GPR84: variants seen among roughly 807,000 people sequenced by gnomAD.
GPR84 encodes the protein G-protein coupled receptor 84.
Under a neutral mutation model 14.9 loss-of-function variants are expected in GPR84, and 8 were observed. The ratio of observed to expected loss-of-function variants is 0.54; its 90% CI spans 0.31 to 0.97. The LOEUF (loss-of-function observed/expected upper bound fraction) is 0.97. Ranked by LOEUF, GPR84 falls within the 50% of genes least tolerant of loss-of-function variation. The pLI is 0.04. For missense variants in GPR84, 424 were observed against 498.7 expected (o/e 0.85, Z 1.43); for synonymous variants, 164 against 198.1 (o/e 0.83, Z 1.45).
chr12:54,350,740 T>C, the GPR84 span: 3 of 590,542 alleles, frequency 5.1e-6, no homozygotes, highest in African/African-American at 5.6e-5. Flanking sequence ...GCTCCCAGCA[T>C]ATTTAGATAA....
At chr12:54,361,258 T>G (rs1404943507), downstream of GPR84, among the ~76,000 whole-genome samples, 1 of 152,184 alleles carries the variant, frequency 6.6e-6, no homozygotes, top group Non-Finnish European at 1.5e-5. This position sits in a 1 kb window ranked among gnomAD's most constrained non-coding sequence, Gnocchi z 4.3. Flanking sequence ...CTCGGTTCAC[T>G]GCAACCACTG....
downstream of GPR84, among the ~76,000 whole-genome samples, chr12:54,357,600 G>A (rs1954223869): frequency 6.6e-6 from 1 of 152,164 alleles, no homozygotes; most frequent in African/African-American, 2.4e-5. Flanking sequence ...CAGTGAGGGT[G>A]GGCAGGTTGG....
At chr12:54,357,678 G>A (rs1954224280), downstream of GPR84, among the ~76,000 whole-genome samples, 1 of 152,212 alleles carries the variant, frequency 6.6e-6, no homozygotes, top group African/African-American at 2.4e-5. Context: ...GATCCAGGCT[G>A]TGGTCTGTGG....
At chr12:54,352,106 C>T in the GPR84 span, among the ~76,000 whole-genome samples, 1 of 152,162 alleles carries the variant, frequency 6.6e-6, no homozygotes, top group African/African-American at 2.4e-5. Flanking sequence ...AGTTCTTCCC[C>T]CATCACCCCC....
the GPR84 span, among the ~76,000 whole-genome samples, chr12:54,355,321 TGTGTGA>T: frequency 9.0e-6 from 1 of 111,346 alleles, no homozygotes; most frequent in Non-Finnish European, 1.8e-5. Flanking sequence ...AAGTCCTGTG[TGTGTGA>T]GTGTGTGTGT....
chr12:54,362,965 G>A lies in GPR84; in HGVS notation c.887C>T (p.Ala296Val), dbSNP rs140055346. 59 of 1,614,110 alleles carry A rather than the reference G, an allele frequency of 3.7e-5. No individual in the cohort carries two copies. In the African/African-American group the frequency reaches 5.6e-4, roughly 15 times the overall value. The change falls in exon 2 of 2, where the codon GCC becomes GTC. Residue 296 changes from alanine to valine, a missense_variant. Ala to Val is a moderately conservative substitution (Grantham distance 64). Transcript: ENST00000267015. The surrounding 1 kb of genome is among the most constrained non-coding windows in gnomAD (Gnocchi z 4.0). ...MAEKSPPEAS[A>V]KAQPIKGARR... ...GGCTCCTTTAATTGGCTGGGCTTTG[G>A]CAGATGCTTCTGGAGGGCTTTTCTC...
At chr12:54,363,938 C>T (rs747317544) in intron 1 of GPR84, 79 bp from the exon 2 acceptor site, 25 of 904,724 alleles carry the variant, frequency 2.8e-5, no homozygotes, top group Non-Finnish European at 4.0e-5. Context: ...AGTTCTGGGA[C>T]CCTGGACATC....
At chr12:54,352,751 C>G in the GPR84 span, among the ~76,000 whole-genome samples, 1 of 152,122 alleles carries the variant, frequency 6.6e-6, no homozygotes, top group Middle Eastern at 3.2e-3. Context: ...GAAAACCTGA[C>G]AATTAAGCTC....
At chr12:54,364,192 T>A (rs907704501) in intron 1 of GPR84, 14 of 201,450 alleles carry the variant, frequency 6.9e-5, no homozygotes, top group African/African-American at 2.1e-4. Flanking sequence ...CCAACTTTTT[T>A]AATTCCTTCC....
chr12:54,364,114 C>G (rs1288475860), intron 1 of GPR84: 4 of 379,484 alleles, frequency 1.1e-5, no homozygotes, highest in Non-Finnish European at 1.9e-5. Context: ...ATATCTTAGT[C>G]TTATTCTGCT....
At chr12:54,354,736 T>A in the GPR84 span, among the ~76,000 whole-genome samples, 4 of 151,880 alleles carry the variant, frequency 2.6e-5, no homozygotes, top group South Asian at 8.3e-4. Context: ...TGAGCCACCA[T>A]GCCCGGCCTA....
chr12:54,355,051 G>A, the GPR84 span, among the ~76,000 whole-genome samples: 1 of 152,112 alleles, frequency 6.6e-6, no homozygotes, highest in Non-Finnish European at 1.5e-5. Flanking sequence ...AGCGTCCAAA[G>A]AATTTGGGGA....
chr12:54,352,029 C>G, the GPR84 span, among the ~76,000 whole-genome samples: 10 of 152,092 alleles, frequency 6.6e-5, no homozygotes, highest in Non-Finnish European at 1.5e-5. Flanking sequence ...TCCGTCCCCT[C>G]GCCTGGAAAT....
Position 54,363,613 on chromosome 12 carries a change from G to A in GPR84, c.239C>T (p.Thr80Ile). ...CTLLQPFSVDTYLHLHWRTGA... is the reference protein window; with the variant it reads ...CTLLQPFSVDIYLHLHWRTGA... ...GGTGCGCCAGTGCAGGTGGAGGTAGGTGTCCACAGAGAAGGGCTGAAGGAG... is the reference window on the plus strand; with the variant it reads ...GGTGCGCCAGTGCAGGTGGAGGTAGATGTCCACAGAGAAGGGCTGAAGGAG... Residue 80 changes from threonine to isoleucine, a missense_variant, in exon 2 of 2, where the codon ACC becomes ATC. Coordinates refer to ENST00000267015, the MANE Select transcript of GPR84 (RefSeq NM_020370.3). The A allele has an allele frequency of 6.2e-7, 1 of 1,614,036 alleles. No individual in the cohort carries two copies. The highest frequency in any genetic ancestry group is 8.5e-7 in the Non-Finnish European group (1 of 1,179,932).
At position 54,363,103 on chromosome 12, in the gene GPR84, G is replaced by T. The variant is rs776331793; in HGVS notation, c.749C>A (p.Pro250His). 1.9e-6 allele frequency: 3 copies of T among 1,614,166 alleles called. No homozygotes were observed. Among genetic ancestry groups the T allele is most frequent in the South Asian group, 2.2e-5 (2 of 91,082 alleles). ...ELDSRLASGGPSEGISSEPVS... is the reference protein window; with the variant it reads ...ELDSRLASGGHSEGISSEPVS... The stretch of plus-strand genomic sequence containing the variant: ...TGGCTCAGATGAAATCCCCTCACTG[G>T]GTCCTCCTGATGCTAACCTGCTGTC... The change falls in exon 2 of 2, where the codon CCC (proline) becomes CAC (histidine). Residue 250 changes from proline to histidine, a missense_variant. Pro to His is a moderately conservative substitution (Grantham distance 77, BLOSUM62 -2). Coordinates refer to ENST00000267015, the MANE Select transcript of GPR84 (RefSeq NM_020370.3).
Position 54,363,408 on chromosome 12 carries a change from G to A in GPR84, c.444C>T (p.Gly148=), listed in dbSNP as rs557278986. The change falls in exon 2 of 2, where the codon GGC becomes GGT. Residue 148 remains glycine (G), a synonymous_variant. Coordinates refer to ENST00000267015, the MANE Select transcript of GPR84 (RefSeq NM_020370.3). ...GCCAGAGGGGAGCAAAGCTGGCCAC[G>A]CCCACAACCCAGGTGCTCACCAGTG... ...VLALVSTWVV[G]VASFAPLWPI... 104 of 1,614,006 alleles carry A rather than the reference G, an allele frequency of 6.4e-5. No homozygotes were observed. In the East Asian group the frequency reaches 7.4e-4, roughly 11 times the overall value.
chr12:54,360,739 G>A (rs1029945559), downstream of GPR84, among the ~76,000 whole-genome samples: 4 of 152,128 alleles, frequency 2.6e-5, no homozygotes, highest in African/African-American at 4.8e-5. Context: ...CATGGACTTG[G>A]GGGAGGGAGG....
chr12:54,359,094 G>T (rs1292518039), downstream of GPR84, among the ~76,000 whole-genome samples: 1 of 151,860 alleles, frequency 6.6e-6, no homozygotes, highest in East Asian at 1.9e-4. Flanking sequence ...TGAGGGGAGG[G>T]AAAGAGGGGA....
At chr12:54,361,699 G>A (rs144531685), downstream of GPR84, among the ~76,000 whole-genome samples, 20 of 152,252 alleles carry the variant, frequency 1.3e-4, no homozygotes, top group African/African-American at 4.6e-4. This position sits in a 1 kb window ranked among gnomAD's most constrained non-coding sequence, Gnocchi z 4.3. Flanking sequence ...GTAGAGACGG[G>A]GTTTCACCAC....
Sources: gnomAD v4.1 joint callset for allele counts (sites outside exome capture counted in the v4.1 genomes callset) on GRCh38, gnomAD v4.1.1 for gene constraint, Gnocchi (gnomAD v3.1) non-coding constraint, MANE v1.5 for transcripts, NCBI Gene and HGNC (gene_info 2026-07-23, HGNC 2026-07-21) for gene names.